Variants in RTL5 observed in about 807,000 individuals in gnomAD.
RTL5 encodes the protein retrotransposon Gag-like protein 5.
A neutral mutation model predicts 7.7 loss-of-function variants in RTL5; 8 were observed. That is an observed-to-expected ratio of 1.04 (90% CI 0.61 to 1.88). The LOEUF is 1.88. Among genes scored for constraint, RTL5 ranks in the 40% most tolerant of loss-of-function variants. RTL5 has a pLI of 0.00. For missense variants in RTL5, 457 were observed against 472.7 expected (o/e 0.97, Z 0.31); for synonymous variants, 188 against 191.8 (o/e 0.98, Z 0.16).
Position 72,130,131 on chromosome X carries a change from C to T in RTL5, c.1410G>A (p.Met470Ile), listed in dbSNP as rs2042272230. 6 of 1,210,969 alleles carry T rather than the reference C, an allele frequency of 5.0e-6. No individual in the cohort carries two copies. The East Asian group carries it at 1.8e-4, about 36-fold the overall frequency. ...ATGACGCGTGAACAAAGGTCGGCTC[C>T]ATCTCCATCAGCTCATCTAGGTCAT... Residue 470 changes from methionine (M) to isoleucine (I), a missense_variant, in exon 1 of 1, where the codon ATG (methionine) becomes ATA (isoleucine). By Grantham distance (10) the Met-to-Ile change is conservative. Transcript: ENST00000609883.
exon 1 of RTL5, chrX:72,130,383 T>TTCTTCCTCCTTCTTCATC (rs1162353972): frequency 3.3e-5 from 38 of 1,168,866 alleles, no homozygotes; most frequent in Non-Finnish European, 4.4e-5. Flanking sequence ...TCTTCTTCAT[T>TTCTTCCTCCTTCTTCATC]TCTTCCTCCT....
exon 1 of RTL5, chrX:72,130,610 C>T: frequency 3.3e-6 from 4 of 1,211,703 alleles, no homozygotes; most frequent in Non-Finnish European, 4.5e-6. Context: ...GGAACGCGCA[C>T]TTTTCTTTCT....
exon 1 of RTL5, chrX:72,129,871 T>C: frequency 1.7e-6 from 2 of 1,202,895 alleles, no homozygotes; most frequent in South Asian, 1.8e-5. Context: ...GTGGCCCCCC[T>C]GTCTCGGAGT....
chrX:72,131,399 C>A (rs2042298213), exon 1 of RTL5: 1 of 1,209,282 alleles, frequency 8.3e-7, no homozygotes, highest in African/African-American at 1.8e-5. Flanking sequence ...GAGACATTGC[C>A]CCGCAAGGAA....
exon 1 of RTL5, chrX:72,131,381 T>C (rs1382680510): frequency 8.3e-7 from 1 of 1,210,452 alleles, no homozygotes; most frequent in South Asian, 1.8e-5. Flanking sequence ...GGCCAGCGGA[T>C]GTAGCTGGAG....
Position 72,131,348 on chromosome X carries a change from C to T in RTL5, c.193G>A (p.Ala65Thr), listed in dbSNP as rs766543358. 5.8e-6 allele frequency: 7 copies of T among 1,203,358 alleles called. No homozygotes were observed. Among genetic ancestry groups the T allele is most frequent in the South Asian group, 1.8e-5 (1 of 55,814 alleles). ...AGCGCGAACTCCAAGTTCTCCTCCG[C>T]AAGGACGGGCACTATGGGTACTGGC... Residue 65 changes from alanine (A) to threonine (T), a missense_variant, in exon 1 of 1, where the codon GCG becomes ACG. Coordinates refer to ENST00000609883, the Ensembl canonical transcript of RTL5.
rs768771267 is a variant in RTL5, at chrX:72,130,277, C to G, written c.1264G>C (p.Asp422His). The G allele has an allele frequency of 2.7e-5, 32 of 1,200,834 alleles. No homozygotes were observed. The highest frequency in any genetic ancestry group is 3.6e-5 in the Non-Finnish European group (32 of 888,482). ...CCATCCTCATCTTCATCTTCTTCATCCTTACTCTCTCCTTCCTCCTCATTC... is the reference window on the plus strand; with the variant it reads ...CCATCCTCATCTTCATCTTCTTCATGCTTACTCTCTCCTTCCTCCTCATTC... The change falls in exon 1 of 1, where the codon GAT (aspartate) becomes CAT (histidine). Residue 422 changes from aspartate to histidine, a missense_variant. Physicochemically the swap from Asp to His is moderately conservative, Grantham distance 81. Transcript: ENST00000609883.
exon 1 of RTL5, chrX:72,130,469 G>A: frequency 8.3e-7 from 1 of 1,210,618 alleles, no homozygotes; most frequent in South Asian, 1.8e-5. Context: ...TCCTTGGAGT[G>A]AAGCCTGTGC....
upstream of RTL5, chrX:72,131,903 A>C (rs1334395617): frequency 6.8e-6 from 3 of 438,743 alleles, no homozygotes. Context: ...GGACTGCGGC[A>C]GGATCTGTCG....
At chrX:72,131,557 G>A in exon 1 of RTL5, 2 of 1,150,696 alleles carry the variant, frequency 1.7e-6, no homozygotes, top group South Asian at 2.1e-5. Context: ...AAGCCCAGGG[G>A]CCCTGGGGCT....
chrX:72,130,234 CCTT>C, exon 1 of RTL5: 1 of 1,210,340 alleles, frequency 8.3e-7, no homozygotes. Flanking sequence ...CTGTGGCTCT[CCTT>C]CTGGTTTCTG....
exon 1 of RTL5, chrX:72,129,515 T>G: frequency 3.7e-6 from 1 of 267,450 alleles, no homozygotes; most frequent in Non-Finnish European, 6.7e-6. Context: ...AGAGGGGAAA[T>G]ACAAGAGGGT....
chrX:72,127,630 G>GCCTCGAAGAATAGCAGGTCC (rs374321758), downstream of RTL5: 57,308 of 103,364 alleles, frequency 0.55, 15,758 homozygotes, highest in Non-Finnish European at 0.77. Context: ...AGGGTCCACT[G>GCCTCGAAGAATAGCAGGTCC]CCTCGAAGAA....
rs767444398 is a variant in RTL5, at chrX:72,131,223, G to C, written c.318C>G (p.Asn106Lys). The change falls in exon 1 of 1, where the codon AAC (asparagine) becomes AAG (lysine). Residue 106 changes from asparagine (N) to lysine (K), a missense_variant. Physicochemically the swap from Asn to Lys is moderately conservative, Grantham distance 94 (BLOSUM62 0). Coordinates refer to ENST00000609883, the Ensembl canonical transcript of RTL5. ...CGGGGGTGCTGCGATCCTGGATCACGTTAATCAAAAGATCATCCGAGATAC... is the reference window on the plus strand; with the variant it reads ...CGGGGGTGCTGCGATCCTGGATCACCTTAATCAAAAGATCATCCGAGATAC... The C allele has an allele frequency of 4.2e-6, 5 of 1,203,126 alleles. No individual in the cohort carries two copies. The South Asian group carries it at 7.1e-5, about 17-fold the overall frequency.
chrX:72,130,250 C>T lies in RTL5; in HGVS notation c.1291G>A (p.Gly431Ser), dbSNP rs758470258. ...TGTGGCTCTCCTTCTGGTTTCTGGC[C>T]CCCATCCTCATCTTCATCTTCTTCA... The change falls in exon 1 of 1, where the codon GGC becomes AGC. Residue 431 changes from glycine to serine, a missense_variant. Coordinates refer to ENST00000609883, the Ensembl canonical transcript of RTL5. 3.3e-6 allele frequency: 4 copies of T among 1,205,977 alleles called. No individual in the cohort carries two copies. In the African/African-American group the frequency reaches 5.3e-5, roughly 16 times the overall value.
exon 1 of RTL5, chrX:72,127,821 A>AT (rs887376088): frequency 4.4e-5 from 5 of 112,969 alleles, no homozygotes; most frequent in African/African-American, 1.6e-4. Flanking sequence ...GCTTAAATGA[A>AT]TTATTCAGTA....
exon 1 of RTL5, chrX:72,131,732 G>C (rs1352265258): frequency 2.1e-5 from 7 of 327,413 alleles, no homozygotes; most frequent in African/African-American, 2.0e-4. Flanking sequence ...AGGGCCCGGC[G>C]GCTCGGCCCA....
exon 1 of RTL5, chrX:72,130,752 T>C (rs760402925): frequency 2.9e-5 from 35 of 1,210,169 alleles, no homozygotes; most frequent in Non-Finnish European, 3.4e-5. Flanking sequence ...AAGACAAGAA[T>C]TGGGCCAGGA....
At chrX:72,130,759 A>G (rs1355918322) in exon 1 of RTL5, 11 of 1,210,304 alleles carry the variant, frequency 9.1e-6, no homozygotes, top group Non-Finnish European at 1.2e-5. Flanking sequence ...GAATTGGGCC[A>G]GGAACTGAAA....
Sources: gnomAD v4.1 joint callset for allele counts on GRCh38, gnomAD v4.1.1 for gene constraint, MANE v1.5 for transcripts, NCBI Gene and HGNC (gene_info 2026-07-23, HGNC 2026-07-21) for gene names.